MSRA: variants seen among roughly 807,000 people sequenced by gnomAD.
MSRA encodes the protein mitochondrial peptide methionine sulfoxide reductase.
A neutral mutation model predicts 31.3 loss-of-function variants in MSRA; 54 were observed. The ratio of observed to expected loss-of-function variants is 1.73; its 90% confidence interval spans 1.39 to 2.17. MSRA has a LOEUF of 2.17. Ranked by LOEUF, MSRA falls within the 30% of genes most tolerant of loss-of-function variation. The pLI is 0.00. For missense variants in MSRA, 507 were observed against 300.9 expected, an observed-to-expected ratio of 1.69 and a Z score of -5.07; for synonymous variants, 169 against 116.5, an observed-to-expected ratio of 1.45 and a Z score of -2.90.
intron 1 of MSRA, among the ~76,000 whole-genome samples, chr8:10,124,971 C>CATTA (rs1439564502): frequency 2.0e-5 from 3 of 152,140 alleles, no homozygotes; most frequent in Non-Finnish European, 4.4e-5. Flanking sequence ...TAACTAGATA[C>CATTA]ATTAAATAGT....
intron 1 of MSRA, among the ~76,000 whole-genome samples, chr8:10,113,785 A>G (rs1800473494): frequency 6.6e-6 from 1 of 151,970 alleles, no homozygotes; most frequent in Non-Finnish European, 1.5e-5. Context: ...TTTAAAAAAA[A>G]GATTATTAAT....
In MSRA at chr8:10,127,003, C is replaced by A. The variant is rs542040766; in HGVS notation, c.142+72345C>A. On this transcript the variant is annotated intron_variant, in intron 1 of 5. Coordinates refer to ENST00000317173, the MANE Select transcript of MSRA (RefSeq NM_012331.5). ...GGTTCCCAACAGGCCACAGCCTGGT[C>A]CACTAGCTAGGGGTTGGGGACCCCT... Among the ~76,000 whole-genome samples the A allele has an allele frequency of 7.9e-5, 12 of 152,346 alleles. 1 individual carries two copies. The South Asian group carries it at 2.3e-3, about 29-fold the overall frequency.
chr8:10,388,250 C>T (rs765253567), intron 5 of MSRA, among the ~76,000 whole-genome samples: 16 of 152,138 alleles, frequency 1.1e-4, no homozygotes, highest in Non-Finnish European at 2.2e-4. Context: ...AGGAAAACTA[C>T]AGAAAGCAAG....
intron 1 of MSRA, among the ~76,000 whole-genome samples, chr8:10,092,542 C>T (rs1563425892): frequency 6.6e-6 from 1 of 152,024 alleles, no homozygotes; most frequent in African/African-American, 2.4e-5. Flanking sequence ...CCTTTAGTCC[C>T]AGCTACTTGG....
At chr8:10,077,082 C>A (rs887555075) in intron 1 of MSRA, among the ~76,000 whole-genome samples, 1 of 151,134 alleles carries the variant, frequency 6.6e-6, no homozygotes, top group Admixed American at 6.6e-5. Context: ...CAAGGAGCCT[C>A]CAAGTTTATG....
chr8:10,233,738 T>A (rs910700610), intron 2 of MSRA, among the ~76,000 whole-genome samples: 2 of 152,134 alleles, frequency 1.3e-5, no homozygotes, highest in Non-Finnish European at 2.9e-5. Flanking sequence ...TCTGGAGAAA[T>A]AGAATTGCGA....
intron 3 of MSRA, among the ~76,000 whole-genome samples, chr8:10,297,884 A>G (rs1410118056): frequency 6.6e-6 from 1 of 152,196 alleles, no homozygotes; most frequent in African/African-American, 2.4e-5. Flanking sequence ...AATCCCATAA[A>G]ATATTCTTGA....
At chr8:10,055,618 C>T (rs1802314566) in intron 1 of MSRA, among the ~76,000 whole-genome samples, 1 of 152,260 alleles carries the variant, frequency 6.6e-6, no homozygotes, top group South Asian at 2.1e-4. Flanking sequence ...TACGCTGTAG[C>T]TTGTAAACCA....
chr8:10,130,219 C>G (rs1022391680), intron 1 of MSRA, among the ~76,000 whole-genome samples: 1 of 152,226 alleles, frequency 6.6e-6, no homozygotes, highest in Non-Finnish European at 1.5e-5. Flanking sequence ...TTGAGAAACA[C>G]TGTATACTGA....
intron 2 of MSRA, among the ~76,000 whole-genome samples, chr8:10,213,584 G>T (rs1304381953): frequency 3.3e-5 from 5 of 151,716 alleles, no homozygotes; most frequent in African/African-American, 1.2e-4. Context: ...TGACAGGTGC[G>T]TGCCAACATG....
chr8:10,418,843 CAA>C (rs33958722), intron 5 of MSRA, among the ~76,000 whole-genome samples: 271 of 100,026 alleles, frequency 2.7e-3, no homozygotes, highest in Non-Finnish European at 4.1e-3. Flanking sequence ...AAAAAACCAA[CAA>C]AAAAAAAAAA....
At chr8:10,303,733 G>A (rs1461617331) in intron 4 of MSRA, among the ~76,000 whole-genome samples, 1 of 152,198 alleles carries the variant, frequency 6.6e-6, no homozygotes, top group African/African-American at 2.4e-5. Flanking sequence ...AGGAAGGGCA[G>A]GGGATGATGG....
At chr8:10,361,395 A>C (rs1804836940) in intron 5 of MSRA, among the ~76,000 whole-genome samples, 1 of 152,120 alleles carries the variant, frequency 6.6e-6, no homozygotes, top group African/African-American at 2.4e-5. Flanking sequence ...TTAGGGTTCT[A>C]AGTCTTTTCT....
At chr8:10,094,522 G>A (rs1196149844) in intron 1 of MSRA, among the ~76,000 whole-genome samples, 1 of 152,232 alleles carries the variant, frequency 6.6e-6, no homozygotes, top group African/African-American at 2.4e-5. Flanking sequence ...TTCATAAGTG[G>A]TAAATGAGCA....
rs1183866735 is a variant in MSRA, at chr8:10,083,681, AG to A, written c.142+29025del. 2.0e-5 allele frequency among the ~76,000 whole-genome samples: 3 copies of A among 151,994 alleles called. No individual in the cohort carries two copies. The East Asian group carries it at 5.8e-4, about 29-fold the overall frequency. ...TATGCAGAGGAAATTTTATTCAAAG[AG>A]GTTTTTTTTTCCTTATTCTGACAGT... On this transcript the variant is annotated intron_variant, in intron 1 of 5. Transcript: ENST00000317173.
chr8:10,064,346 G>C (rs1277356851), intron 1 of MSRA, among the ~76,000 whole-genome samples: 2 of 152,086 alleles, frequency 1.3e-5, no homozygotes, highest in African/African-American at 4.8e-5. Flanking sequence ...AGGGGACATA[G>C]GCTTTTGCCC....
chr8:10,228,168 G>T (rs1203549545), intron 2 of MSRA, among the ~76,000 whole-genome samples: 1 of 152,024 alleles, frequency 6.6e-6, no homozygotes, highest in Non-Finnish European at 1.5e-5. Flanking sequence ...GGATATTTCT[G>T]GTCTCTGCCT....
intron 5 of MSRA, among the ~76,000 whole-genome samples, chr8:10,332,531 G>T (rs1041570384): frequency 2.7e-5 from 4 of 150,264 alleles, no homozygotes; most frequent in Admixed American, 6.6e-5. Context: ...TTAAAATTAC[G>T]GGTGTTATTA....
chr8:10,062,673 T>G (rs1489466753), intron 1 of MSRA, among the ~76,000 whole-genome samples: 1 of 152,172 alleles, frequency 6.6e-6, no homozygotes, highest in Admixed American at 6.5e-5. Flanking sequence ...CATAGTGCAC[T>G]GAAGGGTACA....
Sources: allele counts gnomAD v4.1 joint callset (sites outside exome capture counted in the v4.1 genomes callset), GRCh38; gene constraint gnomAD v4.1.1; transcripts MANE v1.5; gene names NCBI Gene and HGNC (gene_info 2026-07-23, HGNC 2026-07-21).